Variants in ZNF385D observed in about 807,000 individuals in gnomAD.
The protein encoded by ZNF385D is zinc finger protein 385D.
ZNF385D carries 15 observed loss-of-function variants against 35.8 expected under a neutral mutation model. That is an observed-to-expected ratio of 0.42 (90% confidence interval 0.28 to 0.64). ZNF385D has a LOEUF of 0.64. Ranked by LOEUF, ZNF385D falls within the 30% of genes least tolerant of loss-of-function variation. The probability of loss-of-function intolerance (pLI) is 0.23; values close to 1 mark genes in which losing one functional copy is unlikely to be tolerated. For synonymous variants in ZNF385D, 212 were observed against 186.8 expected (o/e 1.13, Z -1.10); for missense variants, 474 against 494.6 (o/e 0.96, Z 0.39).
chr3:21,588,337 A>C (rs2063873020), intron 2 of ZNF385D, among the ~76,000 whole-genome samples: 1 of 152,168 alleles, frequency 6.6e-6, no homozygotes, highest in Non-Finnish European at 1.5e-5. Context: ...CTCATAGCTA[A>C]ATGGAAAATT....
chr3:21,746,048 A>C (rs977878742), intron 1 of ZNF385D, among the ~76,000 whole-genome samples: 2 of 152,234 alleles, frequency 1.3e-5, no homozygotes, highest in African/African-American at 4.8e-5. Context: ...GAACTATTTG[A>C]CATTCCAGTA....
rs528956501 is a variant in ZNF385D, at chr3:22,120,772, A to C, written c.325+48045T>G. On this transcript the variant is annotated intron_variant, in intron 3 of 5. Transcript: ENST00000494108. ...CCTCTATGAGGCAGTTCTTGAGAAC[A>C]AGCTTTAAATATGTTTTCCTAATTA... 6.6e-4 allele frequency among the ~76,000 whole-genome samples: 100 copies of C among 152,328 alleles called. 2 individuals carry two copies. In the South Asian group the frequency reaches 0.021, roughly 31 times the overall value.
intron 3 of ZNF385D, among the ~76,000 whole-genome samples, chr3:22,095,635 GT>G (rs1290057184): frequency 6.7e-6 from 1 of 148,744 alleles, no homozygotes; most frequent in Non-Finnish European, 1.5e-5. Flanking sequence ...TGAGTGCAGT[GT>G]ATAAAAATCT....
intron 3 of ZNF385D, among the ~76,000 whole-genome samples, chr3:21,989,432 C>T (rs1024287833): frequency 6.6e-6 from 1 of 152,164 alleles, no homozygotes; most frequent in Non-Finnish European, 1.5e-5. Context: ...ACTGATGCAA[C>T]AGTCGGAAAC....
chr3:21,544,110 C>CT (rs2062287492), intron 3 of ZNF385D, among the ~76,000 whole-genome samples: 1 of 152,148 alleles, frequency 6.6e-6, no homozygotes, highest in South Asian at 2.1e-4. Flanking sequence ...TCTGTGGTAC[C>CT]TTTCAGTTCA....
At chr3:22,102,196 G>T (rs13090269) in intron 3 of ZNF385D, among the ~76,000 whole-genome samples, 2,972 of 151,948 alleles carry the variant, frequency 0.02, 52 homozygotes, top group Non-Finnish European at 0.029. Flanking sequence ...GTGATGGAGG[G>T]CTTGGAGTAC....
At chr3:21,957,579 C>T (rs1702358612) in intron 3 of ZNF385D, among the ~76,000 whole-genome samples, 1 of 152,082 alleles carries the variant, frequency 6.6e-6, no homozygotes, top group African/African-American at 2.4e-5. Context: ...CACAAGCCTA[C>T]CCAAACCCCA....
At chr3:21,873,267 G>A (rs1032430466) in intron 3 of ZNF385D, among the ~76,000 whole-genome samples, 1 of 132,244 alleles carries the variant, frequency 7.6e-6, no homozygotes, top group African/African-American at 2.5e-5. Flanking sequence ...AGAATCATAT[G>A]TTATAACATT....
intron 1 of ZNF385D, among the ~76,000 whole-genome samples, chr3:21,688,251 T>C (rs987871375): frequency 2.6e-5 from 4 of 152,196 alleles, no homozygotes; most frequent in African/African-American, 7.2e-5. Flanking sequence ...ATATCTTAAA[T>C]ATACTTCTAA....
chr3:21,889,531 G>T (rs1559726603), intron 3 of ZNF385D, among the ~76,000 whole-genome samples: 1 of 152,166 alleles, frequency 6.6e-6, no homozygotes, highest in Non-Finnish European at 1.5e-5. Flanking sequence ...CTGGCCATTT[G>T]AGACTGCCAT....
intron 2 of ZNF385D, among the ~76,000 whole-genome samples, chr3:22,184,698 G>T (rs1466771803): frequency 6.6e-6 from 1 of 152,130 alleles, no homozygotes. Flanking sequence ...GTGGTGGCAG[G>T]TACCTATAAT....
At chr3:21,925,176 G>A (rs906821256) in intron 3 of ZNF385D, among the ~76,000 whole-genome samples, 1 of 152,090 alleles carries the variant, frequency 6.6e-6, no homozygotes, top group African/African-American at 2.4e-5. Flanking sequence ...GGAAGGCAAA[G>A]TAGGTAGAAT....
intron 3 of ZNF385D, among the ~76,000 whole-genome samples, chr3:21,558,150 T>C (rs2062809307): frequency 6.6e-6 from 1 of 150,844 alleles, no homozygotes; most frequent in Non-Finnish European, 1.5e-5. Flanking sequence ...CATGTCTCTA[T>C]CTCCTTCAGT....
intron 2 of ZNF385D, among the ~76,000 whole-genome samples, chr3:21,662,425 C>T (rs2066267167): frequency 6.6e-6 from 1 of 152,140 alleles, no homozygotes; most frequent in African/African-American, 2.4e-5. Context: ...TCCCTCCAGC[C>T]TGATGAAATG....
At chr3:21,959,574 T>G (rs1011168861) in intron 3 of ZNF385D, among the ~76,000 whole-genome samples, 1 of 151,714 alleles carries the variant, frequency 6.6e-6, no homozygotes, top group Admixed American at 6.6e-5. Context: ...GTCACAGGAG[T>G]TGTACTCAGA....
chr3:21,868,861 CATCT>C (rs1202263910), intron 3 of ZNF385D, among the ~76,000 whole-genome samples: 1 of 151,992 alleles, frequency 6.6e-6, no homozygotes, highest in Non-Finnish European at 1.5e-5. Flanking sequence ...ACATGTTATC[CATCT>C]GTTACATGGA....
chr3:22,094,226 A>ATT (rs35684710), intron 3 of ZNF385D, among the ~76,000 whole-genome samples: 6 of 146,644 alleles, frequency 4.1e-5, no homozygotes, highest in East Asian at 4.0e-4. Flanking sequence ...GTCAAGTAGC[A>ATT]TTTTTTTTTC....
At chr3:22,112,352 A>G (rs1030799971) in intron 3 of ZNF385D, among the ~76,000 whole-genome samples, 3 of 152,128 alleles carry the variant, frequency 2.0e-5, no homozygotes. Flanking sequence ...TAGACCAGTC[A>G]TAGTCCTCCA....
intron 2 of ZNF385D, among the ~76,000 whole-genome samples, chr3:22,216,543 A>C (rs959549496): frequency 1.3e-5 from 2 of 152,134 alleles, no homozygotes; most frequent in African/African-American, 4.8e-5. Flanking sequence ...GCATTGACCC[A>C]GATGTGAAAA....
Sources: gnomAD v4.1 joint callset for allele counts (sites outside exome capture counted in the v4.1 genomes callset) on GRCh38, gnomAD v4.1.1 for gene constraint, MANE v1.5 for transcripts, NCBI Gene and HGNC (gene_info 2026-07-23, HGNC 2026-07-21) for gene names.